The following KCNH8 variants were observed in gnomAD, a reference collection of about 807,000 sequenced individuals.
KCNH8 encodes potassium voltage-gated channel subfamily H member 8, also known as voltage-gated delayed rectifier potassium channel KCNH8.
KCNH8 carries 70 observed loss-of-function variants against 103.6 expected under a neutral mutation model. The observed-to-expected ratio is 0.68, with a 90% CI of 0.56 to 0.82. The LOEUF is 0.82. Ranked by LOEUF, KCNH8 falls within the 40% of genes least tolerant of loss-of-function variation. KCNH8 has a pLI of 0.00. For synonymous variants in KCNH8, 498 were observed against 489.4 expected (o/e 1.02, Z -0.23); for missense variants, 1,217 against 1,329.9 (o/e 0.92, Z 1.32).
At chr3:19,533,034 C>A (rs1466662757) in intron 15 of KCNH8, among the ~76,000 whole-genome samples, 1 of 151,972 alleles carries the variant, frequency 6.6e-6, no homozygotes, top group African/African-American at 2.4e-5. Context: ...GAAACCCCGT[C>A]TCTACTAAAA....
chr3:19,281,977 A>G (rs1454189453), intron 3 of KCNH8, among the ~76,000 whole-genome samples: 2 of 152,122 alleles, frequency 1.3e-5, no homozygotes, highest in Non-Finnish European at 2.9e-5. Context: ...TTAACACTGA[A>G]AAACTGCTGA....
intron 5 of KCNH8, among the ~76,000 whole-genome samples, chr3:19,373,344 G>A (rs1336101569): frequency 6.6e-6 from 1 of 152,106 alleles, no homozygotes; most frequent in East Asian, 1.9e-4. Context: ...TGTTGGGAGA[G>A]TGTATGTGTC....
intron 7 of KCNH8, among the ~76,000 whole-genome samples, chr3:19,411,932 A>G (rs2066786897): frequency 1.3e-5 from 2 of 151,946 alleles, no homozygotes; most frequent in Admixed American, 6.6e-5. Flanking sequence ...AATCAATACC[A>G]TTAAAATGTT....
intron 6 of KCNH8, among the ~76,000 whole-genome samples, chr3:19,393,103 T>C (rs996765506): frequency 6.6e-6 from 1 of 151,966 alleles, no homozygotes. Context: ...TCCCATTTTA[T>C]AGGGGGGTTT....
In KCNH8 at chr3:19,291,788, C is replaced by A. The variant is rs148395171; in HGVS notation, c.442+10459C>A. On this transcript the variant is annotated intron_variant, in intron 3 of 15. Coordinates refer to ENST00000328405, the MANE Select transcript of KCNH8 (RefSeq NM_144633.3). ...CTTGGTGCAGAGCTGAGTTCAATTC[C>A]TGGATATCCTTGTTAACTTTCTGTC... Among the ~76,000 whole-genome samples, 387 of 152,230 alleles carry A rather than the reference C, an allele frequency of 2.5e-3. 3 individuals are homozygous for A. Among genetic ancestry groups the A allele is most frequent in the African/African-American group, 8.7e-3 (360 of 41,540 alleles).
At chr3:19,501,258 C>T (rs964362356) in intron 11 of KCNH8, among the ~76,000 whole-genome samples, 3 of 152,142 alleles carry the variant, frequency 2.0e-5, no homozygotes, top group Non-Finnish European at 4.4e-5. Flanking sequence ...AGACCAATAA[C>T]AGGAGCTGAA....
chr3:19,286,573 A>G (rs2064834933), intron 3 of KCNH8, among the ~76,000 whole-genome samples: 3 of 152,172 alleles, frequency 2.0e-5, no homozygotes, highest in Admixed American at 1.3e-4. Context: ...GTGTCATTGG[A>G]TTGGTTCCAC....
intron 8 of KCNH8, among the ~76,000 whole-genome samples, chr3:19,444,076 C>CTTA (rs2067326038): frequency 1.3e-5 from 2 of 151,902 alleles, no homozygotes. Context: ...AGAGCTAAAA[C>CTTA]CAGTCAAAGC....
chr3:19,309,206 A>C (rs888134368), intron 3 of KCNH8, among the ~76,000 whole-genome samples: 2 of 152,082 alleles, frequency 1.3e-5, no homozygotes, highest in South Asian at 2.1e-4. Flanking sequence ...AGACCCCAAC[A>C]GCAAGTGCTG....
chr3:19,188,925 C>A (rs936034677), intron 1 of KCNH8, among the ~76,000 whole-genome samples: 1 of 151,866 alleles, frequency 6.6e-6, no homozygotes, highest in Non-Finnish European at 1.5e-5. Flanking sequence ...TGCAGGCGTG[C>A]ATCACTGCTT....
chr3:19,365,436 T>G (rs180864706), intron 5 of KCNH8, among the ~76,000 whole-genome samples: 1,792 of 152,148 alleles, frequency 0.012, 11 homozygotes, highest in Non-Finnish European at 0.017. Context: ...TTATAAATAT[T>G]TATAAACATA....
intron 7 of KCNH8, among the ~76,000 whole-genome samples, chr3:19,434,029 GATAAC>G (rs2067160102): frequency 6.6e-6 from 1 of 152,158 alleles, no homozygotes; most frequent in Admixed American, 6.5e-5. Context: ...AAATGTGCTT[GATAAC>G]ATAAGATATC....
chr3:19,413,941 T>C (rs1022869377), intron 7 of KCNH8, among the ~76,000 whole-genome samples: 5 of 152,088 alleles, frequency 3.3e-5, no homozygotes, highest in Non-Finnish European at 5.9e-5. Flanking sequence ...CATTGATATG[T>C]TGTAAGAAAG....
chr3:19,179,405 A>G (rs1432883883), intron 1 of KCNH8, among the ~76,000 whole-genome samples: 1 of 152,136 alleles, frequency 6.6e-6, no homozygotes, highest in Non-Finnish European at 1.5e-5. Flanking sequence ...ATCAGTTATG[A>G]TCCGTTTTTG....
intron 3 of KCNH8, among the ~76,000 whole-genome samples, chr3:19,288,535 C>T (rs527644016): frequency 6.6e-6 from 1 of 152,100 alleles, no homozygotes; most frequent in East Asian, 1.9e-4. Context: ...CCAGCTTCAT[C>T]CATGTCCCTA....
intron 2 of KCNH8, among the ~76,000 whole-genome samples, chr3:19,279,239 A>G (rs923168247): frequency 5.3e-5 from 8 of 152,156 alleles, no homozygotes; most frequent in African/African-American, 1.9e-4. Context: ...ATTAAGAACC[A>G]TTCTGGGATG....
chr3:19,225,051 G>A (rs1025116373), intron 1 of KCNH8, among the ~76,000 whole-genome samples: 16 of 152,018 alleles, frequency 1.1e-4, no homozygotes, highest in African/African-American at 3.9e-4. Context: ...ACAGCTTCAG[G>A]AATAGAATGA....
chr3:19,424,351 A>C (rs1288745456), intron 7 of KCNH8, among the ~76,000 whole-genome samples: 1 of 152,106 alleles, frequency 6.6e-6, no homozygotes, highest in Non-Finnish European at 1.5e-5. Flanking sequence ...ACAAAAATAC[A>C]AAGTGGGGAA....
At chr3:19,354,928 A>G (rs1263344060) in intron 5 of KCNH8, among the ~76,000 whole-genome samples, 1 of 152,220 alleles carries the variant, frequency 6.6e-6, no homozygotes, top group Non-Finnish European at 1.5e-5. Context: ...AGAAACTACC[A>G]TCAGAGTGAA....
Sources: allele counts gnomAD v4.1 joint callset (sites outside exome capture counted in the v4.1 genomes callset), GRCh38; gene constraint gnomAD v4.1.1; transcripts MANE v1.5; gene names NCBI Gene and HGNC (gene_info 2026-07-23, HGNC 2026-07-21).